Variants in NRG1 observed in about 807,000 individuals in gnomAD.
NRG1 encodes the protein neuregulin 1.
NRG1 carries 18 observed loss-of-function variants against 63.8 expected under a neutral mutation model. That is an observed-to-expected ratio of 0.28 (90% CI 0.19 to 0.42). NRG1 has a LOEUF of 0.42. Ranked by LOEUF, NRG1 falls within the 10% of genes least tolerant of loss-of-function variation. The pLI is 1.00. For synonymous variants in NRG1, 302 were observed against 301.3 expected, an observed-to-expected ratio of 1.00 and a Z score of -0.02; for missense variants, 762 against 814.7, an observed-to-expected ratio of 0.94 and a Z score of 0.79.
chr8:32,196,882 G>A lies in NRG1; in HGVS notation c.38-398946G>A, dbSNP rs1842997858. Among the ~76,000 whole-genome samples the A allele has an allele frequency of 2.9e-5, 4 of 139,856 alleles. No individual in the cohort carries two copies. The South Asian group carries it at 1.0e-3, about 35-fold the overall frequency. The allele number at this position is 139,856 out of a possible 152,430, so 91.8% of individuals were successfully genotyped here. The stretch of plus-strand genomic sequence containing the variant: ...TTTGCTCCCTTGAGTGTTTTAGAAT[G>A]AGACTGCTAGATTTTATGTTTCTAA... On this transcript the variant is annotated intron_variant, in intron 1 of 10. Transcript: ENST00000519301.
At chr8:32,675,520 A>G (rs989676323) in intron 5 of NRG1, among the ~76,000 whole-genome samples, 1 of 152,224 alleles carries the variant, frequency 6.6e-6, no homozygotes, top group Non-Finnish European at 1.5e-5. Flanking sequence ...GTCTACAGAT[A>G]AAAACACCTT....
intron 1 of NRG1, among the ~76,000 whole-genome samples, chr8:32,242,298 A>T (rs1050020654): frequency 1.3e-5 from 2 of 151,918 alleles, no homozygotes; most frequent in African/African-American, 2.4e-5. Context: ...ACGTGGTGAA[A>T]CCCTGTCTCT....
At chr8:32,130,999 ACCACCATATGG>A (rs1333008368) in intron 1 of NRG1, among the ~76,000 whole-genome samples, 6 of 152,004 alleles carry the variant, frequency 3.9e-5, no homozygotes, top group Non-Finnish European at 8.8e-5. Flanking sequence ...GTAGAAGCAT[ACCACCATATGG>A]CAAAAGGCAG....
intron 1 of NRG1, among the ~76,000 whole-genome samples, chr8:31,714,911 C>A (rs1348533576): frequency 1.3e-5 from 2 of 152,060 alleles, no homozygotes; most frequent in Non-Finnish European, 2.9e-5. Flanking sequence ...ACTTTAGTAG[C>A]CTTGTGATTT....
chr8:32,073,422 G>T (rs1273295694), intron 1 of NRG1, among the ~76,000 whole-genome samples: 2 of 152,102 alleles, frequency 1.3e-5, no homozygotes, highest in African/African-American at 4.8e-5. Context: ...AGTCCTGGCA[G>T]ATTTCTCCGT....
chr8:32,626,784 G>C (rs938344809), intron 5 of NRG1, among the ~76,000 whole-genome samples: 72 of 152,206 alleles, frequency 4.7e-4, no homozygotes, highest in African/African-American at 1.6e-3. Flanking sequence ...ACTTTGGGAG[G>C]CCAAGGCGGG....
At chr8:32,680,788 A>T (rs1164567996) in intron 5 of NRG1, among the ~76,000 whole-genome samples, 1 of 152,122 alleles carries the variant, frequency 6.6e-6, no homozygotes, top group African/African-American at 2.4e-5. Context: ...GCTAGAATAT[A>T]AGCTTCTTTA....
chr8:32,328,312 G>C (rs753316271), intron 1 of NRG1, among the ~76,000 whole-genome samples: 2 of 152,054 alleles, frequency 1.3e-5, no homozygotes, highest in Non-Finnish European at 2.9e-5. Context: ...TAGTAGGCTG[G>C]CTTCATGAAT....
intron 1 of NRG1, among the ~76,000 whole-genome samples, chr8:32,228,842 G>A (rs1336819220): frequency 1.3e-5 from 2 of 152,042 alleles, no homozygotes; most frequent in East Asian, 3.9e-4. Flanking sequence ...CAAGTTAAAC[G>A]ACCTCCTATC....
chr8:32,241,522 C>T (rs1394670998), intron 1 of NRG1, among the ~76,000 whole-genome samples: 1 of 152,114 alleles, frequency 6.6e-6, no homozygotes, highest in African/African-American at 2.4e-5. Flanking sequence ...CAACACAACA[C>T]ATAAGCTCCA....
intron 1 of NRG1, among the ~76,000 whole-genome samples, chr8:32,551,334 C>T (rs1014736224): frequency 6.6e-6 from 1 of 152,162 alleles, no homozygotes; most frequent in African/African-American, 2.4e-5. Flanking sequence ...AGTTTCACTC[C>T]TTTCTTAAAA....
At chr8:31,923,633 G>C (rs184519182) in intron 1 of NRG1, among the ~76,000 whole-genome samples, 144 of 152,182 alleles carry the variant, frequency 9.5e-4, no homozygotes, top group African/African-American at 3.2e-3. Flanking sequence ...TTATTTAAAA[G>C]ATTTAGGGTT....
intron 5 of NRG1, among the ~76,000 whole-genome samples, chr8:32,674,316 A>G (rs1338758653): frequency 6.6e-6 from 1 of 152,234 alleles, no homozygotes; most frequent in Non-Finnish European, 1.5e-5. Flanking sequence ...AGAAAGCATA[A>G]CTGAAGCTCA....
chr8:31,857,284 T>C (rs538833591), intron 1 of NRG1, among the ~76,000 whole-genome samples: 4 of 152,392 alleles, frequency 2.6e-5, no homozygotes, highest in South Asian at 4.1e-4. Flanking sequence ...TGTAGGACCC[T>C]CTGAGCCAGG....
intron 1 of NRG1, among the ~76,000 whole-genome samples, chr8:32,452,786 G>A (rs1412403306): frequency 1.3e-5 from 2 of 152,080 alleles, no homozygotes; most frequent in Non-Finnish European, 2.9e-5. Flanking sequence ...TAGACTGTTC[G>A]AACTATGTAA....
chr8:31,817,724 A>G (rs1470826233), intron 1 of NRG1, among the ~76,000 whole-genome samples: 1 of 152,228 alleles, frequency 6.6e-6, no homozygotes, highest in Non-Finnish European at 1.5e-5. Context: ...AAAGCATTGA[A>G]CATCCTGTGA....
intron 1 of NRG1, among the ~76,000 whole-genome samples, chr8:32,186,467 AAAAAAAAAAGAAAAAAGAAAGAAAAAG>A (rs986796898): frequency 6.6e-6 from 1 of 151,730 alleles, no homozygotes; most frequent in Non-Finnish European, 1.5e-5. Flanking sequence ...TCTCAAAAAA[AAAAAAAAAAGAAAAAAGAAAGAAAAAG>A]AAAAAAAAAG....
intron 7 of NRG1, chr8:32,748,608 T>G (rs1189946968): frequency 2.4e-6 from 1 of 423,398 alleles, no homozygotes; most frequent in African/African-American, 2.1e-5. Flanking sequence ...TGCTGGCTCT[T>G]GGCTCATACC....
intron 5 of NRG1, among the ~76,000 whole-genome samples, chr8:32,702,125 C>T (rs1589290072): frequency 1.3e-5 from 2 of 152,040 alleles, no homozygotes; most frequent in African/African-American, 2.4e-5. Context: ...TGTGGGAATA[C>T]GAGTCATTTA....
Sources: allele counts gnomAD v4.1 joint callset (sites outside exome capture counted in the v4.1 genomes callset), GRCh38; gene constraint gnomAD v4.1.1; transcripts MANE v1.5; gene names NCBI Gene and HGNC (gene_info 2026-07-23, HGNC 2026-07-21).